ANKRD62: variants seen among roughly 807,000 people sequenced by gnomAD.
The protein encoded by ANKRD62 is ankyrin repeat domain-containing protein 62.
In ANKRD62, 61 loss-of-function variants were observed where a neutral mutation model predicts 98.8. That is an observed-to-expected ratio of 0.62 (90% confidence interval 0.50 to 0.76). ANKRD62 has a LOEUF of 0.76. Ranked by LOEUF, ANKRD62 falls within the 30% of genes least tolerant of loss-of-function variation. The pLI is 0.00. For missense variants in ANKRD62, 933 were observed against 1,082.9 expected (o/e 0.86, Z 1.94); for synonymous variants, 341 against 367.9 (o/e 0.93, Z 0.84).
At chr18:12,134,986 C>G in the ANKRD62 span, among the ~76,000 whole-genome samples, 2 of 152,066 alleles carry the variant, frequency 1.3e-5, no homozygotes, top group Non-Finnish European at 2.9e-5. Context: ...TACAGTCCCA[C>G]CAACAGTGTA....
At chr18:12,152,359 C>T in the ANKRD62 span, among the ~76,000 whole-genome samples, 3 of 152,240 alleles carry the variant, frequency 2.0e-5, no homozygotes, top group East Asian at 5.8e-4. Context: ...AAACTGAATC[C>T]ATTAGCATAT....
chr18:12,098,082 A>G (rs529676826), intron 5 of ANKRD62, among the ~76,000 whole-genome samples: 2 of 152,306 alleles, frequency 1.3e-5, no homozygotes, highest in South Asian at 2.1e-4. Context: ...AGATGTTCAG[A>G]TAGTGTTGCA....
intron 10 of ANKRD62, among the ~76,000 whole-genome samples, 154 bp downstream of exon 10, chr18:12,115,688 C>T (rs548010457): frequency 7.9e-5 from 12 of 152,256 alleles, no homozygotes; most frequent in Admixed American, 7.8e-4. Context: ...ACTACTCTAT[C>T]TTGTATACTC....
chr18:12,094,948 T>A (rs944952866), intron 1 of ANKRD62, among the ~76,000 whole-genome samples: 2 of 11,300 alleles, frequency 1.8e-4, no homozygotes, highest in African/African-American at 3.7e-4. Flanking sequence ...AGGGTGGGGG[T>A]GGGGGTGGGG....
At chr18:12,109,360 C>T (rs1440541494) in intron 8 of ANKRD62, among the ~76,000 whole-genome samples, 3 of 152,220 alleles carry the variant, frequency 2.0e-5, no homozygotes, top group Non-Finnish European at 2.9e-5. Flanking sequence ...AAAGCAACAG[C>T]CTGAGCTGTG....
chr18:12,161,796 C>T, the ANKRD62 span, among the ~76,000 whole-genome samples: 19 of 152,088 alleles, frequency 1.2e-4, no homozygotes, highest in East Asian at 2.5e-3. Flanking sequence ...TTTGCCTGGC[C>T]TATTCCAATT....
chr18:12,165,713 G>T, the ANKRD62 span, among the ~76,000 whole-genome samples: 3 of 151,978 alleles, frequency 2.0e-5, no homozygotes, highest in Non-Finnish European at 2.9e-5. Flanking sequence ...ACTATTCTGG[G>T]GGTTTTGTGT....
At position 12,116,769 on chromosome 18, in the gene ANKRD62, G is replaced by A. The variant is rs1037415069; in HGVS notation, c.1240+1235G>A. On this transcript the variant is annotated intron_variant, in intron 10 of 13. Coordinates refer to ENST00000587848, the MANE Select transcript of ANKRD62 (RefSeq NM_001277333.2). ...ATTTAAAAAAATTTAGAATCACCTC[G>A]TCATTTAAAAATGTCCAACGAGTGC... 3.3e-5 allele frequency among the ~76,000 whole-genome samples: 5 copies of A among 152,178 alleles called. No individual in the cohort carries two copies. The East Asian group carries it at 5.8e-4, about 18-fold the overall frequency.
At chr18:12,153,803 C>G in the ANKRD62 span, among the ~76,000 whole-genome samples, 1 of 152,072 alleles carries the variant, frequency 6.6e-6, no homozygotes, top group South Asian at 2.1e-4. Flanking sequence ...AATAAGGTTA[C>G]ACACCTTCAA....
chr18:12,131,069 G>GGT (rs199913379), downstream of ANKRD62, among the ~76,000 whole-genome samples: 1,445 of 152,288 alleles, frequency 9.5e-3, 26 homozygotes, highest in African/African-American at 0.033. Context: ...CATGAGGTCA[G>GGT]GTGTGGACCT....
chr18:12,136,053 T>A, the ANKRD62 span, among the ~76,000 whole-genome samples: 1 of 152,242 alleles, frequency 6.6e-6, no homozygotes, highest in African/African-American at 2.4e-5. Context: ...TTTAATTAGA[T>A]CCCATTTGTC....
chr18:12,138,643 G>C, the ANKRD62 span, among the ~76,000 whole-genome samples: 2 of 152,120 alleles, frequency 1.3e-5, no homozygotes, highest in African/African-American at 4.8e-5. Flanking sequence ...GTTGACAGTG[G>C]GGTGTTAAAG....
At chr18:12,099,367 T>C (rs1909250564) in intron 5 of ANKRD62, among the ~76,000 whole-genome samples, 3 of 152,238 alleles carry the variant, frequency 2.0e-5, no homozygotes, top group Admixed American at 2.0e-4. Context: ...GGTCCTATTA[T>C]GAGTCAGATC....
chr18:12,175,571 C>T, the ANKRD62 span, among the ~76,000 whole-genome samples: 2 of 151,962 alleles, frequency 1.3e-5, no homozygotes, highest in African/African-American at 4.9e-5. Flanking sequence ...CCATGGGGGC[C>T]TCCCTGTGCT....
At chr18:12,115,041 A>G in intron 8 of ANKRD62, 47 bp from the exon 9 acceptor site, 1 of 1,312,106 alleles carries the variant, frequency 7.6e-7, no homozygotes, top group South Asian at 2.3e-5. Flanking sequence ...TTTGTATTTT[A>G]CATATTTACT....
chr18:12,105,909 G>A (rs1004341192), intron 7 of ANKRD62, among the ~76,000 whole-genome samples: 3 of 152,134 alleles, frequency 2.0e-5, no homozygotes, highest in Non-Finnish European at 4.4e-5. Flanking sequence ...ATAAGCTCTA[G>A]GGTTTAATTT....
At chr18:12,179,616 C>T in the ANKRD62 span, among the ~76,000 whole-genome samples, 1 of 151,594 alleles carries the variant, frequency 6.6e-6, no homozygotes, top group Non-Finnish European at 1.5e-5. Flanking sequence ...AAACAGTGAC[C>T]TGACCAAGCT....
chr18:12,180,961 C>G, the ANKRD62 span, among the ~76,000 whole-genome samples: 2 of 141,034 alleles, frequency 1.4e-5, no homozygotes, highest in Non-Finnish European at 3.0e-5. Flanking sequence ...CACAACAGGC[C>G]CCAGTGTGTG....
intron 7 of ANKRD62, among the ~76,000 whole-genome samples, chr18:12,104,820 A>T (rs1909378882): frequency 6.6e-6 from 1 of 152,150 alleles, no homozygotes. Flanking sequence ...ATGTCTTTTG[A>T]TCTCATTTAT....
Sources: gnomAD v4.1 joint callset for allele counts (sites outside exome capture counted in the v4.1 genomes callset) on GRCh38, gnomAD v4.1.1 for gene constraint, MANE v1.5 for transcripts, NCBI Gene and HGNC (gene_info 2026-07-23, HGNC 2026-07-21) for gene names.